Variants in PCDH15 observed in about 807,000 individuals in gnomAD.
The protein encoded by PCDH15 is protocadherin-15.
In PCDH15, 129 loss-of-function variants were observed where a neutral mutation model predicts 178.5. The observed-to-expected ratio is 0.72, with a 90% CI of 0.63 to 0.84. The LOEUF (loss-of-function observed/expected upper bound fraction) is 0.84. Among genes scored for constraint, PCDH15 ranks in the 40% least tolerant of loss-of-function variants. The pLI is 0.00. For synonymous variants in PCDH15, 800 were observed against 732.0 expected (o/e 1.09, Z -1.50); for missense variants, 2,230 against 2,099.9 (o/e 1.06, Z -1.21).
At chr10:54,648,203 G>A (rs901293040) in intron 2 of PCDH15, among the ~76,000 whole-genome samples, 1 of 152,112 alleles carries the variant, frequency 6.6e-6, no homozygotes, top group East Asian at 1.9e-4. Flanking sequence ...ATGTTGTCCA[G>A]TGAACTATTG....
In PCDH15 at chr10:55,435,699, G is replaced by A. The variant is rs1231814069; in HGVS notation, c.-156+191926C>T. 7.2e-5 allele frequency among the ~76,000 whole-genome samples: 11 copies of A among 151,920 alleles called. No individual in the cohort carries two copies. The East Asian group carries it at 2.1e-3, about 29-fold the overall frequency. On this transcript the variant is annotated intron_variant, in intron 2 of 5. Coordinates refer to the PCDH15 transcript ENST00000613346. ...AGGGTAACTTACAATGAGACAGGGAGAAACAGAGAAAAAATATGAGAAATG... is the reference window on the plus strand; with the variant it reads ...AGGGTAACTTACAATGAGACAGGGAAAAACAGAGAAAAAATATGAGAAATG...
chr10:55,145,622 T>C (rs2132093893), intron 2 of PCDH15, among the ~76,000 whole-genome samples: 1 of 152,152 alleles, frequency 6.6e-6, no homozygotes, highest in Non-Finnish European at 1.5e-5. Context: ...GTTTTGGAAG[T>C]AGATGACATC....
Position 53,976,448 on chromosome 10 carries a change from A to G in PCDH15, c.2869-14556T>C, listed in dbSNP as rs530012328. Among the ~76,000 whole-genome samples, 7 of 151,846 alleles carry G rather than the reference A, an allele frequency of 4.6e-5. No homozygotes were observed. The South Asian group carries it at 1.5e-3, about 32-fold the overall frequency. On this transcript the variant is annotated intron_variant, in intron 21 of 37. Transcript: ENST00000644397. ...TCCATATTGACCTTATCAAACACCA[A>G]CCTCCTTCCTACCTCAAGCTTTTCC...
At chr10:55,304,612 A>C (rs1285466901) in intron 1 of PCDH15, among the ~76,000 whole-genome samples, 2 of 152,218 alleles carry the variant, frequency 1.3e-5, no homozygotes, top group Non-Finnish European at 2.9e-5. Flanking sequence ...AAAAGAAAAA[A>C]AAGCATTGTT....
chr10:55,483,656 C>T (rs1931700), intron 2 of PCDH15, among the ~76,000 whole-genome samples: 109,821 of 151,340 alleles, frequency 0.73, 40,460 homozygotes, highest in East Asian at 0.99. Flanking sequence ...TATAAATTAT[C>T]CTATTATAAA....
intron 2 of PCDH15, among the ~76,000 whole-genome samples, chr10:55,355,763 G>A (rs1283253396): frequency 6.6e-6 from 1 of 151,744 alleles, no homozygotes; most frequent in Non-Finnish European, 1.5e-5. Flanking sequence ...GTTGATTACT[G>A]GTGAAAGATT....
chr10:54,790,011 A>G (rs1432440805), intron 1 of PCDH15, among the ~76,000 whole-genome samples: 3 of 151,906 alleles, frequency 2.0e-5, no homozygotes, highest in Non-Finnish European at 4.4e-5. Context: ...GAAAATCAAG[A>G]AAGATTAGTG....
intron 2 of PCDH15, among the ~76,000 whole-genome samples, chr10:54,984,407 G>T (rs1348620672): frequency 6.6e-6 from 1 of 152,202 alleles, no homozygotes; most frequent in African/African-American, 2.4e-5. Flanking sequence ...CTGTGAGGAA[G>T]AAATGCAACA....
intron 3 of PCDH15, among the ~76,000 whole-genome samples, chr10:54,838,184 C>T (rs1953352478): frequency 6.6e-6 from 1 of 151,984 alleles, no homozygotes; most frequent in South Asian, 2.1e-4. Flanking sequence ...CAGTCCTGTC[C>T]ACCTAGTGAT....
chr10:55,396,815 T>C (rs1837940441), intron 2 of PCDH15, among the ~76,000 whole-genome samples: 1 of 152,192 alleles, frequency 6.6e-6, no homozygotes, highest in Non-Finnish European at 1.5e-5. Context: ...AAATGCCTTT[T>C]ATGATCCTTT....
intron 2 of PCDH15, among the ~76,000 whole-genome samples, chr10:54,569,131 A>T (rs2089447515): frequency 6.6e-6 from 1 of 152,052 alleles, no homozygotes. Flanking sequence ...AAAACCCAAG[A>T]AATTAAAAAA....
intron 25 of PCDH15, among the ~76,000 whole-genome samples, chr10:53,911,159 G>A (rs2083060109): frequency 6.6e-6 from 1 of 151,982 alleles, no homozygotes; most frequent in African/African-American, 2.4e-5. Flanking sequence ...AGGAAAAACA[G>A]AGAACACCAC....
At chr10:54,412,156 TAA>T (rs901512582) in intron 3 of PCDH15, among the ~76,000 whole-genome samples, 3 of 151,828 alleles carry the variant, frequency 2.0e-5, no homozygotes, top group African/African-American at 4.8e-5. Flanking sequence ...TGGAGGTCAG[TAA>T]ACAAACTGAA....
At chr10:54,440,456 T>C (rs2136144469) in intron 3 of PCDH15, among the ~76,000 whole-genome samples, 1 of 152,072 alleles carries the variant, frequency 6.6e-6, no homozygotes, top group East Asian at 1.9e-4. Flanking sequence ...TTCTTTTCCT[T>C]ATGATTTCAT....
upstream of PCDH15, among the ~76,000 whole-genome samples, chr10:54,801,506 G>C (rs1039098075): frequency 2.6e-5 from 4 of 152,172 alleles, no homozygotes; most frequent in Admixed American, 6.5e-5. Context: ...ATGATTCTCT[G>C]TTCTGTTTTG....
At chr10:54,860,189 T>A (rs1316328444) in intron 3 of PCDH15, among the ~76,000 whole-genome samples, 1 of 152,046 alleles carries the variant, frequency 6.6e-6, no homozygotes, top group Non-Finnish European at 1.5e-5. Flanking sequence ...ATGTGCAGAT[T>A]TGTTTCATGG....
chr10:54,149,424 A>G (rs1359239088), intron 14 of PCDH15, among the ~76,000 whole-genome samples: 2 of 152,228 alleles, frequency 1.3e-5, no homozygotes, highest in East Asian at 1.9e-4. Flanking sequence ...CCATTGAGAA[A>G]TCTGAGAAAA....
At chr10:53,832,175 C>T (rs1396086047) in intron 29 of PCDH15, among the ~76,000 whole-genome samples, 8 of 151,806 alleles carry the variant, frequency 5.3e-5, no homozygotes, top group Non-Finnish European at 1.0e-4. Flanking sequence ...ATAAATGATG[C>T]GAGTAGTATA....
intron 9 of PCDH15, among the ~76,000 whole-genome samples, chr10:54,227,747 C>T (rs556750235): frequency 3.3e-5 from 5 of 152,210 alleles, no homozygotes; most frequent in Non-Finnish European, 7.3e-5. Flanking sequence ...GCACCCAAGT[C>T]ACCTCTTGAA....
Sources: gnomAD v4.1 joint callset for allele counts (sites outside exome capture counted in the v4.1 genomes callset) on GRCh38, gnomAD v4.1.1 for gene constraint, MANE v1.5 for transcripts, NCBI Gene and HGNC (gene_info 2026-07-23, HGNC 2026-07-21) for gene names.